TMEM74: variants seen among roughly 807,000 people sequenced by gnomAD.
The protein encoded by TMEM74 is transmembrane protein 74.
TMEM74 carries 13 observed loss-of-function variants against 18.1 expected under a neutral mutation model. The ratio of observed to expected loss-of-function variants is 0.72; its 90% CI spans 0.47 to 1.14. The LOEUF (loss-of-function observed/expected upper bound fraction) is 1.14. TMEM74 is among the 50% of genes most tolerant of loss of function. The probability of loss-of-function intolerance (pLI) is 0.00; values close to 1 mark genes in which losing one functional copy is unlikely to be tolerated. For synonymous variants in TMEM74, 159 were observed against 146.6 expected, an observed-to-expected ratio of 1.08 and a Z score of -0.61; for missense variants, 372 against 375.9, an observed-to-expected ratio of 0.99 and a Z score of 0.09.
chr8:108,753,279 C>A (rs1813920723), intron 1 of TMEM74, among the ~76,000 whole-genome samples: 2 of 152,136 alleles, frequency 1.3e-5, no homozygotes, highest in South Asian at 4.1e-4. Context: ...AACATAGCTT[C>A]ATTATCTTTT....
chr8:108,629,234 G>A (rs748338486), intron 2 of TMEM74, among the ~76,000 whole-genome samples: 1 of 151,960 alleles, frequency 6.6e-6, no homozygotes, highest in Non-Finnish European at 1.5e-5. Flanking sequence ...AAGGATATCA[G>A]AGATTGAAGA....
chr8:108,772,716 G>A (rs1253910197), intron 1 of TMEM74, among the ~76,000 whole-genome samples: 1 of 151,788 alleles, frequency 6.6e-6, no homozygotes, highest in African/African-American at 2.4e-5. Flanking sequence ...TTAGATCTGG[G>A]TGGGAAGGCT....
intron 1 of TMEM74, among the ~76,000 whole-genome samples, chr8:108,687,042 A>T (rs1425865743): frequency 6.6e-6 from 1 of 152,126 alleles, no homozygotes; most frequent in East Asian, 1.9e-4. Context: ...TCGATCCTAA[A>T]TTCAAATTTA....
intron 1 of TMEM74, among the ~76,000 whole-genome samples, chr8:108,661,825 C>T (rs1586251652): frequency 6.6e-6 from 1 of 151,854 alleles, no homozygotes; most frequent in African/African-American, 2.4e-5. Context: ...GGAAGTCATA[C>T]GTTAGACAAG....
chr8:108,678,260 A>G (rs1156427073), intron 1 of TMEM74, among the ~76,000 whole-genome samples: 4 of 152,226 alleles, frequency 2.6e-5, no homozygotes, highest in Non-Finnish European at 5.9e-5. Context: ...AATTGTATAA[A>G]AATATATACA....
intron 1 of TMEM74, among the ~76,000 whole-genome samples, chr8:108,707,704 A>T (rs12550296): frequency 6.6e-6 from 1 of 152,026 alleles, no homozygotes; most frequent in Non-Finnish European, 1.5e-5. Flanking sequence ...AAAATGAATT[A>T]AAGACTTAAC....
chr8:108,638,747 T>G (rs1812631909), intron 2 of TMEM74, among the ~76,000 whole-genome samples: 1 of 152,162 alleles, frequency 6.6e-6, no homozygotes, highest in Non-Finnish European at 1.5e-5. Context: ...TTATGTATTT[T>G]ACACTTATTG....
chr8:108,622,233 A>T (rs1283311140), intron 2 of TMEM74, among the ~76,000 whole-genome samples: 2 of 152,088 alleles, frequency 1.3e-5, no homozygotes, highest in Non-Finnish European at 2.9e-5. Context: ...CATCACATTG[A>T]CAATGATGCA....
intron 1 of TMEM74, among the ~76,000 whole-genome samples, chr8:108,761,543 T>C (rs1038392446): frequency 6.6e-6 from 1 of 152,124 alleles, no homozygotes; most frequent in African/African-American, 2.4e-5. Flanking sequence ...TAACAGGCTC[T>C]AAACTGAGCC....
Position 108,782,475 on chromosome 8 carries a change from T to C in TMEM74, c.*1706A>G, listed in dbSNP as rs1814319523. Among the ~76,000 whole-genome samples the C allele has an allele frequency of 6.6e-6, 1 of 152,224 alleles. No individual in the cohort carries two copies. Among genetic ancestry groups the C allele is most frequent in the African/African-American group, 2.4e-5 (1 of 41,456 alleles). On this transcript the variant is annotated 3_prime_UTR_variant, in exon 2 of 2. Transcript: ENST00000297459. ...TCATATGCCCATCCTCTCTTTTTAC[T>C]ATCTTCTGAGCCTCCCTTTTTGTAT... is the stretch of plus-strand genomic sequence containing the variant.
At chr8:108,622,978 A>G (rs1812458037) in intron 2 of TMEM74, among the ~76,000 whole-genome samples, 2 of 152,110 alleles carry the variant, frequency 1.3e-5, no homozygotes, top group South Asian at 4.1e-4. Context: ...AAAGTTTAGA[A>G]TCAGAAATCA....
intron 1 of TMEM74, among the ~76,000 whole-genome samples, chr8:108,751,863 C>T (rs531414270): frequency 2.6e-5 from 4 of 152,054 alleles, no homozygotes; most frequent in South Asian, 2.1e-4. Context: ...GGAGAACATA[C>T]GAAATTATTC....
chr8:108,684,968 A>G (rs1201784030), intron 1 of TMEM74, among the ~76,000 whole-genome samples: 2 of 152,072 alleles, frequency 1.3e-5, no homozygotes, highest in East Asian at 3.8e-4. Flanking sequence ...ATGTCTGTGA[A>G]GAATGTCATT....
At chr8:108,723,888 A>G (rs1433661924) in intron 1 of TMEM74, among the ~76,000 whole-genome samples, 1 of 152,208 alleles carries the variant, frequency 6.6e-6, no homozygotes, top group African/African-American at 2.4e-5. Flanking sequence ...GCAATTATAG[A>G]TGAACTGTTT....
At chr8:108,677,860 G>T (rs1813069988) in intron 1 of TMEM74, among the ~76,000 whole-genome samples, 1 of 152,118 alleles carries the variant, frequency 6.6e-6, no homozygotes, top group South Asian at 2.1e-4. Context: ...AATAAGACTT[G>T]CATATAAGGA....
At chr8:108,681,696 T>A (rs1191257695) in intron 1 of TMEM74, among the ~76,000 whole-genome samples, 1 of 152,168 alleles carries the variant, frequency 6.6e-6, no homozygotes, top group Non-Finnish European at 1.5e-5. Context: ...GACTGCTTAA[T>A]GAGTATGAGT....
intron 2 of TMEM74, among the ~76,000 whole-genome samples, chr8:108,611,455 A>G (rs1277076652): frequency 6.6e-6 from 1 of 152,216 alleles, no homozygotes; most frequent in Non-Finnish European, 1.5e-5. Context: ...AGTAAATTAT[A>G]GTTAGTATTT....
At chr8:108,740,052 T>G (rs1203037200) in intron 1 of TMEM74, among the ~76,000 whole-genome samples, 2 of 152,012 alleles carry the variant, frequency 1.3e-5, no homozygotes, top group Admixed American at 1.3e-4. Context: ...CTGTGATGGT[T>G]TAGCATTTAT....
At chr8:108,712,772 C>T (rs907866146) in intron 1 of TMEM74, among the ~76,000 whole-genome samples, 6 of 152,032 alleles carry the variant, frequency 3.9e-5, no homozygotes, top group Admixed American at 3.3e-4. Context: ...TCATAACAAG[C>T]CTGTCAACTA....
Sources: allele counts gnomAD v4.1 joint callset (sites outside exome capture counted in the v4.1 genomes callset), GRCh38; gene constraint gnomAD v4.1.1; transcripts MANE v1.5; gene names NCBI Gene and HGNC (gene_info 2026-07-23, HGNC 2026-07-21).